The following COL24A1 variants were observed in gnomAD, a reference collection of about 807,000 sequenced individuals.
COL24A1 encodes the protein collagen alpha-1(XXIV) chain.
COL24A1 carries 224 observed loss-of-function variants against 253.9 expected under a neutral mutation model. The ratio of observed to expected loss-of-function variants is 0.88; its 90% CI spans 0.79 to 0.99. The LOEUF is 0.99. Among genes scored for constraint, COL24A1 ranks in the 50% least tolerant of loss-of-function variants. The probability of loss-of-function intolerance (pLI) is 0.00; values close to 1 mark genes in which losing one functional copy is unlikely to be tolerated. For missense variants in COL24A1, 2,131 were observed against 2,068.5 expected, an observed-to-expected ratio of 1.03 and a Z score of -0.59; for synonymous variants, 685 against 673.7, an observed-to-expected ratio of 1.02 and a Z score of -0.26.
chr1:85,949,201 C>A (rs1689655774), intron 24 of COL24A1, among the ~76,000 whole-genome samples: 1 of 152,054 alleles, frequency 6.6e-6, no homozygotes, highest in South Asian at 2.1e-4. Flanking sequence ...TATTGAACAA[C>A]TGATAAGTGA....
rs1479149233 is a variant in COL24A1 at position 86,072,846 on chromosome 1, G to T, written c.1708-9087C>A. On this transcript the variant is annotated intron_variant, in intron 7 of 59. Coordinates refer to ENST00000370571, the MANE Select transcript of COL24A1 (RefSeq NM_152890.7). ...CACTGGTGATACCCAGGCAAACAGGGTCTGGAGTGGACCTCCAGCAAACCC... is the reference window on the plus strand; with the variant it reads ...CACTGGTGATACCCAGGCAAACAGGTTCTGGAGTGGACCTCCAGCAAACCC... 5.3e-5 allele frequency among the ~76,000 whole-genome samples: 8 copies of T among 152,174 alleles called. 1 individual carries two copies. In the South Asian group the frequency reaches 1.7e-3, roughly 32 times the overall value.
chr1:86,046,922 C>A, intron 11 of COL24A1, 53 bp from the exon 12 acceptor site: 1 of 993,948 alleles, frequency 1.0e-6, no homozygotes, highest in South Asian at 1.3e-5. Flanking sequence ...GAATTAGGTA[C>A]TATAGATCTT....
At chr1:86,148,535 T>C (rs532811966) in intron 1 of COL24A1, among the ~76,000 whole-genome samples, 1 of 151,228 alleles carries the variant, frequency 6.6e-6, no homozygotes, top group South Asian at 2.1e-4. Context: ...GAGTGTGATG[T>C]TCCCCTTCCT....
chr1:85,952,310 T>G (rs1162341744), intron 24 of COL24A1, among the ~76,000 whole-genome samples: 1 of 152,200 alleles, frequency 6.6e-6, no homozygotes, highest in East Asian at 1.9e-4. Context: ...TCTGGTAAGA[T>G]TCTTAAGTGT....
intron 3 of COL24A1, among the ~76,000 whole-genome samples, chr1:86,116,139 A>C (rs547253381): frequency 1.3e-5 from 2 of 150,830 alleles, no homozygotes; most frequent in South Asian, 4.3e-4. Context: ...ATGGTTGAAC[A>C]CATATTCATT....
At chr1:86,115,147 C>G (rs1276658980) in intron 4 of COL24A1, among the ~76,000 whole-genome samples, 178 bp downstream of exon 4, 1 of 152,190 alleles carries the variant, frequency 6.6e-6, no homozygotes, top group Non-Finnish European at 1.5e-5. Context: ...TGTGTTTACA[C>G]TCAAAATAAA....
chr1:85,760,198 G>T (rs572098041), intron 55 of COL24A1, among the ~76,000 whole-genome samples: 1 of 152,082 alleles, frequency 6.6e-6, no homozygotes, highest in Non-Finnish European at 1.5e-5. Context: ...TCAGCCTCCT[G>T]AGTAGCTGGG....
intron 57 of COL24A1, among the ~76,000 whole-genome samples, chr1:85,741,256 T>C (rs896118162): frequency 6.6e-6 from 1 of 152,228 alleles, no homozygotes; most frequent in Non-Finnish European, 1.5e-5. Flanking sequence ...CTACTAGTTC[T>C]CATTCATGGT....
intron 39 of COL24A1, among the ~76,000 whole-genome samples, chr1:85,847,182 G>A (rs1188247323): frequency 3.9e-5 from 6 of 152,120 alleles, no homozygotes; most frequent in Admixed American, 3.9e-4. Context: ...AAGTTCCTGA[G>A]AAAGATGAAA....
chr1:85,891,864 CTG>C (rs10601983), intron 31 of COL24A1, among the ~76,000 whole-genome samples: 2,691 of 152,218 alleles, frequency 0.018, 77 homozygotes, highest in African/African-American at 0.06. Flanking sequence ...TAAGTGGACT[CTG>C]TTTTTATTGG....
chr1:85,992,664 G>A (rs536035645), intron 19 of COL24A1, among the ~76,000 whole-genome samples: 29 of 152,134 alleles, frequency 1.9e-4, no homozygotes, highest in Middle Eastern at 3.4e-3. Context: ...AGCATGAAAC[G>A]ATACAGGAAG....
intron 18 of COL24A1, among the ~76,000 whole-genome samples, chr1:86,021,045 A>G (rs1697482250): frequency 6.6e-6 from 1 of 152,200 alleles, no homozygotes; most frequent in African/African-American, 2.4e-5. Flanking sequence ...TATATAAAAT[A>G]CTGTCACTGT....
At chr1:86,134,481 C>T (rs1281079702) in intron 2 of COL24A1, among the ~76,000 whole-genome samples, 2 of 143,012 alleles carry the variant, frequency 1.4e-5, no homozygotes, top group African/African-American at 2.6e-5. Flanking sequence ...CTCTTGTGGG[C>T]ATTTAGTGCT....
intron 24 of COL24A1, among the ~76,000 whole-genome samples, chr1:85,933,703 A>C (rs1023732470): frequency 6.6e-6 from 1 of 152,216 alleles, no homozygotes; most frequent in Non-Finnish European, 1.5e-5. Context: ...ATCAAGGGCA[A>C]AATTATATTT....
At chr1:85,741,765 T>G (rs1213260928) in intron 57 of COL24A1, among the ~76,000 whole-genome samples, 1 of 152,224 alleles carries the variant, frequency 6.6e-6, no homozygotes, top group East Asian at 1.9e-4. Context: ...CCAGGTAATA[T>G]GAATTATGTG....
intron 24 of COL24A1, among the ~76,000 whole-genome samples, chr1:85,955,289 G>T (rs1690326686): frequency 6.6e-6 from 1 of 152,164 alleles, no homozygotes; most frequent in Admixed American, 6.5e-5. Context: ...TCCCCATCTG[G>T]CTTGCTGAGA....
intron 14 of COL24A1, chr1:86,030,572 G>A (rs1007982951): frequency 4.6e-5 from 7 of 152,128 alleles, no homozygotes; most frequent in African/African-American, 1.4e-4. Flanking sequence ...GGTCATCAAA[G>A]GCCATTTCCA....
At chr1:86,023,187 C>T (rs889905436) in intron 14 of COL24A1, among the ~76,000 whole-genome samples, 180 bp from the exon 15 acceptor site, 1 of 152,154 alleles carries the variant, frequency 6.6e-6, no homozygotes, top group South Asian at 2.1e-4. Context: ...ATATTTCAAA[C>T]CTTAGTGAAG....
At chr1:86,112,702 G>T in intron 4 of COL24A1, 82 bp from the exon 5 acceptor site, 3 of 1,284,804 alleles carry the variant, frequency 2.3e-6, no homozygotes, top group Non-Finnish European at 3.4e-6. Flanking sequence ...CTCTCAACAT[G>T]TGTGATCCCT....
Sources: gnomAD v4.1 joint callset for allele counts (sites outside exome capture counted in the v4.1 genomes callset) on GRCh38, gnomAD v4.1.1 for gene constraint, MANE v1.5 for transcripts, NCBI Gene and HGNC (gene_info 2026-07-23, HGNC 2026-07-21) for gene names.